Variants in PARD3B observed in about 807,000 individuals in gnomAD.
PARD3B encodes the protein partitioning defective 3 homolog B.
Under a neutral mutation model 130.2 loss-of-function variants are expected in PARD3B, and 103 were observed. That is an observed-to-expected ratio of 0.79 (90% CI 0.67 to 0.93). The LOEUF (loss-of-function observed/expected upper bound fraction) is 0.93. PARD3B is among the 40% of genes least tolerant of loss of function. The probability of loss-of-function intolerance (pLI) is 0.00; values close to 1 mark genes in which losing one functional copy is unlikely to be tolerated. For synonymous variants in PARD3B, 583 were observed against 553.2 expected, an observed-to-expected ratio of 1.05 and a Z score of -0.76; for missense variants, 1,609 against 1,499.2, an observed-to-expected ratio of 1.07 and a Z score of -1.21.
chr2:205,509,185 A>G (rs995228239), intron 21 of PARD3B, among the ~76,000 whole-genome samples: 1 of 152,120 alleles, frequency 6.6e-6, no homozygotes, highest in Non-Finnish European at 1.5e-5. Context: ...TCCATTTAGA[A>G]GCTGGCAATT....
intron 3 of PARD3B, among the ~76,000 whole-genome samples, chr2:205,045,775 A>G (rs896761785): frequency 2.0e-5 from 3 of 151,880 alleles, no homozygotes; most frequent in African/African-American, 2.4e-5. Flanking sequence ...ATATATACAC[A>G]CACACACACA....
At chr2:205,523,341 T>G (rs1419728367) in intron 21 of PARD3B, among the ~76,000 whole-genome samples, 1 of 151,036 alleles carries the variant, frequency 6.6e-6, no homozygotes, top group Admixed American at 6.6e-5. Flanking sequence ...GCCTCCCAGG[T>G]TCTAGCAATT....
At chr2:204,875,633 C>A (rs1403169705) in intron 2 of PARD3B, among the ~76,000 whole-genome samples, 1 of 152,166 alleles carries the variant, frequency 6.6e-6, no homozygotes, top group African/African-American at 2.4e-5. Flanking sequence ...AACGGTGTCA[C>A]AAAGACTGTA....
chr2:204,928,811 T>G (rs1157404359), intron 2 of PARD3B, among the ~76,000 whole-genome samples: 2 of 152,086 alleles, frequency 1.3e-5, no homozygotes, highest in Non-Finnish European at 2.9e-5. Flanking sequence ...TCTCCTGCCT[T>G]AATAATAACA....
rs368848748 is a variant in PARD3B at position 204,957,338 on chromosome 2, T to C, written c.223-7814T>C. ...GTTATTATGGGATAATTCAAGCAGATGCATCTTTAAAAAGTGATAAGGATA... is the reference window on the plus strand; with the variant it reads ...GTTATTATGGGATAATTCAAGCAGACGCATCTTTAAAAAGTGATAAGGATA... On this transcript the variant is annotated intron_variant, in intron 2 of 22. Coordinates refer to ENST00000406610, the MANE Select transcript of PARD3B (RefSeq NM_001302769.2). Among the ~76,000 whole-genome samples the C allele has an allele frequency of 3.3e-4, 51 of 152,320 alleles. 1 individual carries two copies. The highest frequency in any genetic ancestry group is 8.5e-4 in the Admixed American group (13 of 15,304).
intron 20 of PARD3B, among the ~76,000 whole-genome samples, chr2:205,483,811 A>C (rs936831725): frequency 3.3e-5 from 5 of 152,072 alleles, no homozygotes; most frequent in Admixed American, 2.6e-4. Flanking sequence ...CTTATATTTT[A>C]TGTAGAATTG....
intron 3 of PARD3B, among the ~76,000 whole-genome samples, chr2:205,020,704 T>G (rs1376653727): frequency 6.6e-6 from 1 of 152,168 alleles, no homozygotes; most frequent in Non-Finnish European, 1.5e-5. Flanking sequence ...GAAACCTCTG[T>G]GTGTTGTCGA....
intron 1 of PARD3B, among the ~76,000 whole-genome samples, chr2:204,548,339 T>G (rs2030174225): frequency 1.3e-5 from 2 of 152,190 alleles, no homozygotes; most frequent in South Asian, 2.1e-4. Flanking sequence ...ACATGTAACA[T>G]GTATTGTGCT....
intron 20 of PARD3B, among the ~76,000 whole-genome samples, chr2:205,445,964 C>T (rs1207728864): frequency 6.6e-6 from 1 of 152,208 alleles, no homozygotes; most frequent in East Asian, 1.9e-4. Context: ...GATGACTATG[C>T]TGCCTTCATT....
chr2:205,550,955 G>GTGTGTGTGTATATATATA lies in PARD3B; in HGVS notation c.3181-2368_3181-2367insGTGTGTGTATATATATAT, dbSNP rs796567936. 1.1e-5 allele frequency among the ~76,000 whole-genome samples: 1 copy of GTGTGTGTGTATATATATA among 94,462 alleles called. No homozygotes were observed. Among genetic ancestry groups the GTGTGTGTGTATATATATA allele is most frequent in the African/African-American group, 3.8e-5 (1 of 26,408 alleles). 62.0% of individuals were successfully genotyped at this position (94,462 alleles called of 152,430 possible). A position where few individuals can be genotyped will look rare whatever the true frequency, so the allele number is the denominator to read the frequency against. The stretch of plus-strand genomic sequence containing the variant: ...TGTGTGTGTGTGTATATATATATGT[G>GTGTGTGTGTATATATATA]TATATATATATATATATATATACAC... On this transcript the variant is annotated intron_variant, in intron 21 of 22. Coordinates refer to ENST00000406610, the MANE Select transcript of PARD3B (RefSeq NM_001302769.2). This position sits in a 1 kb window ranked among gnomAD's most constrained non-coding sequence, Gnocchi z 4.5.
intron 2 of PARD3B, among the ~76,000 whole-genome samples, chr2:204,886,215 A>G (rs2046266487): frequency 6.6e-6 from 1 of 152,200 alleles, no homozygotes; most frequent in Non-Finnish European, 1.5e-5. Flanking sequence ...CCATCTACCG[A>G]ATGGGATATG....
intron 2 of PARD3B, among the ~76,000 whole-genome samples, chr2:204,951,530 G>A (rs1689770400): frequency 1.3e-5 from 2 of 152,038 alleles, no homozygotes; most frequent in Admixed American, 6.6e-5. Context: ...TGTTCTGGGT[G>A]CATATTTTTA....
At chr2:204,944,743 C>T (rs1054707348) in intron 2 of PARD3B, among the ~76,000 whole-genome samples, 11 of 152,104 alleles carry the variant, frequency 7.2e-5, no homozygotes, top group African/African-American at 2.4e-4. Flanking sequence ...TGGTTGCCGA[C>T]GGAGTGATTT....
chr2:205,282,819 G>A (rs115558695), intron 16 of PARD3B, among the ~76,000 whole-genome samples: 172 of 152,258 alleles, frequency 1.1e-3, no homozygotes, highest in African/African-American at 3.9e-3. Context: ...CTGGGGAGAT[G>A]CAGTATTCCA....
chr2:204,602,618 A>G (rs79745160), intron 1 of PARD3B, among the ~76,000 whole-genome samples: 2,951 of 150,446 alleles, frequency 0.02, 87 homozygotes, highest in African/African-American at 0.069. Flanking sequence ...TGTATCCCCA[A>G]CTCTCATTAA....
chr2:205,301,789 A>G lies in PARD3B; in HGVS notation c.2630+88A>G. 6 of 1,591,056 alleles carry G rather than the reference A, an allele frequency of 3.8e-6. No homozygotes were observed. The highest frequency in any genetic ancestry group is 1.3e-5 in the African/African-American group (1 of 74,548). On this transcript the variant is annotated intron_variant, in intron 18 of 22. Transcript: ENST00000406610. This position sits in a 1 kb window ranked among gnomAD's most constrained non-coding sequence, Gnocchi z 5.2. ...TTTGTCTGTACTCAGAAAAAAGCGC[A>G]CGCTTTTCCTCGTCTTCAGCCAAAT... is the stretch of plus-strand genomic sequence containing the variant.
At chr2:204,624,812 G>A (rs1233756878) in intron 1 of PARD3B, among the ~76,000 whole-genome samples, 1 of 152,080 alleles carries the variant, frequency 6.6e-6, no homozygotes, top group African/African-American at 2.4e-5. Flanking sequence ...ACTGTCAAAC[G>A]ATTTTCCAGA....
chr2:205,255,868 G>A lies in PARD3B; in HGVS notation c.2185+10046G>A, dbSNP rs146108411. On this transcript the variant is annotated intron_variant, in intron 16 of 22. Transcript: ENST00000406610. ...CTCTTGGGCTATTATGGAGGCTTCCGTAAGTAGGTAGGATTGATTACATTA... is the reference window on the plus strand; with the variant it reads ...CTCTTGGGCTATTATGGAGGCTTCCATAAGTAGGTAGGATTGATTACATTA... Among the ~76,000 whole-genome samples the A allele has an allele frequency of 1.4e-4, 21 of 152,124 alleles. No homozygotes were observed. The East Asian group carries it at 2.9e-3, about 21-fold the overall frequency.
chr2:204,622,704 A>G (rs989411907), intron 1 of PARD3B, among the ~76,000 whole-genome samples: 1 of 152,128 alleles, frequency 6.6e-6, no homozygotes, highest in African/African-American at 2.4e-5. Context: ...AGGGTAAGTA[A>G]CATGTCTAAG....
Sources: allele counts gnomAD v4.1 joint callset (sites outside exome capture counted in the v4.1 genomes callset), GRCh38; gene constraint gnomAD v4.1.1; non-coding constraint Gnocchi (gnomAD v3.1); transcripts MANE v1.5; gene names NCBI Gene and HGNC (gene_info 2026-07-23, HGNC 2026-07-21).